The following CDH13 variants were observed in gnomAD, a reference collection of about 807,000 sequenced individuals.
CDH13 encodes the protein cadherin-13.
CDH13 carries 24 observed loss-of-function variants against 63.8 expected under a neutral mutation model. The ratio of observed to expected loss-of-function variants is 0.38; its 90% CI spans 0.27 to 0.53. The LOEUF (loss-of-function observed/expected upper bound fraction) is 0.53. Among genes scored for constraint, CDH13 ranks in the 20% least tolerant of loss-of-function variants. The pLI, the probability that CDH13 is intolerant of heterozygous loss-of-function variation, is 0.85. For missense variants in CDH13, 1,049 were observed against 903.1 expected (o/e 1.16, Z -2.07); for synonymous variants, 503 against 355.3 (o/e 1.42, Z -4.67).
At chr16:83,243,507 T>A (rs1904684415) in intron 5 of CDH13, among the ~76,000 whole-genome samples, 2 of 152,128 alleles carry the variant, frequency 1.3e-5, no homozygotes, top group Admixed American at 1.3e-4. Context: ...ATGGTAATTG[T>A]GGGAGCTACA....
chr16:83,250,380 G>A (rs1225494440), intron 5 of CDH13, among the ~76,000 whole-genome samples: 1 of 152,246 alleles, frequency 6.6e-6, no homozygotes. Context: ...AGCTTTCACG[G>A]TTCACATTCT....
chr16:82,895,629 A>G (rs971597064), intron 2 of CDH13, among the ~76,000 whole-genome samples: 5 of 152,086 alleles, frequency 3.3e-5, no homozygotes, highest in African/African-American at 1.2e-4. Flanking sequence ...GAAACTTTGA[A>G]TTATGTGAGG....
chr16:83,440,064 TGACA>T (rs1207611268), intron 6 of CDH13, among the ~76,000 whole-genome samples: 26 of 152,202 alleles, frequency 1.7e-4, no homozygotes, highest in Non-Finnish European at 3.1e-4. Flanking sequence ...TCATTTTAAA[TGACA>T]TCTGAAAAGT....
chr16:83,381,644 G>C (rs1482298690), intron 6 of CDH13, among the ~76,000 whole-genome samples: 2 of 151,370 alleles, frequency 1.3e-5, no homozygotes, highest in Non-Finnish European at 2.9e-5. Context: ...ACCTAAAAAA[G>C]CTCACCTAAA....
At chr16:83,411,312 G>T (rs114958013) in intron 6 of CDH13, among the ~76,000 whole-genome samples, 4,709 of 152,206 alleles carry the variant, frequency 0.031, 109 homozygotes, top group African/African-American at 0.064. Flanking sequence ...CCCCTTTACT[G>T]TGTTCCATTA....
chr16:82,978,524 C>T (rs1009399696), intron 2 of CDH13, among the ~76,000 whole-genome samples: 3 of 152,232 alleles, frequency 2.0e-5, no homozygotes, highest in African/African-American at 7.2e-5. Context: ...CCCTGTGTCC[C>T]AGCCACTACA....
chr16:83,045,113 C>T (rs909194060), intron 3 of CDH13, among the ~76,000 whole-genome samples: 4 of 152,110 alleles, frequency 2.6e-5, no homozygotes, highest in South Asian at 2.1e-4. Flanking sequence ...GCTTTGCGGT[C>T]GGCATGACTC....
intron 3 of CDH13, among the ~76,000 whole-genome samples, chr16:83,076,958 C>A (rs1407022987): frequency 6.6e-6 from 1 of 151,976 alleles, no homozygotes; most frequent in Non-Finnish European, 1.5e-5. Flanking sequence ...CTGTGCAACC[C>A]AAACCCCCAT....
intron 1 of CDH13, among the ~76,000 whole-genome samples, chr16:82,695,085 G>A (rs935086911): frequency 3.3e-5 from 5 of 152,136 alleles, no homozygotes; most frequent in Non-Finnish European, 7.3e-5. Flanking sequence ...TCGGCTGGAG[G>A]AAGGGCATGT....
chr16:83,563,636 C>T (rs953316941), intron 7 of CDH13, among the ~76,000 whole-genome samples: 1 of 152,106 alleles, frequency 6.6e-6, no homozygotes, highest in African/African-American at 2.4e-5. Flanking sequence ...GTGCAAGTTT[C>T]CTCTAGAAAC....
intron 5 of CDH13, among the ~76,000 whole-genome samples, chr16:83,330,212 C>A (rs1567596540): frequency 6.6e-6 from 1 of 152,166 alleles, no homozygotes; most frequent in Non-Finnish European, 1.5e-5. Flanking sequence ...TGTAAACACA[C>A]ACACACATGC....
At chr16:82,785,918 G>A (rs1403298715) in intron 1 of CDH13, among the ~76,000 whole-genome samples, 1 of 152,040 alleles carries the variant, frequency 6.6e-6, no homozygotes, top group Non-Finnish European at 1.5e-5. Flanking sequence ...AGAGGGGAAG[G>A]GGTTCTTATC....
intron 1 of CDH13, among the ~76,000 whole-genome samples, chr16:82,652,228 G>A (rs1167699373): frequency 1.3e-5 from 2 of 152,156 alleles, no homozygotes; most frequent in African/African-American, 4.8e-5. Flanking sequence ...TTATTGGTTT[G>A]TCATCCTAGC....
intron 11 of CDH13, among the ~76,000 whole-genome samples, 196 bp downstream of exon 11, chr16:83,748,446 T>G (rs1192656217): frequency 6.6e-6 from 1 of 152,182 alleles, no homozygotes; most frequent in Non-Finnish European, 1.5e-5. Context: ...CAGATCTTTT[T>G]GGAAAGTGAA....
At chr16:82,659,832 T>C (rs1911726409) in intron 1 of CDH13, among the ~76,000 whole-genome samples, 2 of 152,124 alleles carry the variant, frequency 1.3e-5, no homozygotes, top group Non-Finnish European at 2.9e-5. Context: ...CATGGCAGGA[T>C]GTCCAGAAGC....
At chr16:82,793,546 T>C (rs2036423122) in intron 1 of CDH13, among the ~76,000 whole-genome samples, 1 of 152,224 alleles carries the variant, frequency 6.6e-6, no homozygotes, top group Non-Finnish European at 1.5e-5. Flanking sequence ...TTATTCTCAT[T>C]TCCATGTCAG....
At chr16:82,808,402 T>A (rs2037266153) in intron 1 of CDH13, among the ~76,000 whole-genome samples, 1 of 152,096 alleles carries the variant, frequency 6.6e-6, no homozygotes, top group Admixed American at 6.6e-5. Context: ...TAGTCAAAAA[T>A]TGTCACTGAA....
intron 3 of CDH13, among the ~76,000 whole-genome samples, chr16:83,048,472 C>G (rs897580583): frequency 1.3e-5 from 2 of 152,180 alleles, no homozygotes; most frequent in Non-Finnish European, 2.9e-5. Flanking sequence ...AATTATTCAT[C>G]TTTAATTTAT....
chr16:82,781,729 C>G (rs2035763908), intron 1 of CDH13, among the ~76,000 whole-genome samples: 1 of 152,174 alleles, frequency 6.6e-6, no homozygotes, highest in African/African-American at 2.4e-5. Flanking sequence ...TGTATCCATC[C>G]ACGTAACCAC....
Sources: gnomAD v4.1 joint callset for allele counts (sites outside exome capture counted in the v4.1 genomes callset) on GRCh38, gnomAD v4.1.1 for gene constraint, MANE v1.5 for transcripts, NCBI Gene and HGNC (gene_info 2026-07-23, HGNC 2026-07-21) for gene names.